Variants in ADGRL2 observed in about 807,000 individuals in gnomAD.
ADGRL2 encodes calcium-independent alpha-latrotoxin receptor 2.
A neutral mutation model predicts 157.4 loss-of-function variants in ADGRL2; 44 were observed. The ratio of observed to expected loss-of-function variants is 0.28; its 90% CI spans 0.22 to 0.36. The LOEUF is 0.36. Among genes scored for constraint, ADGRL2 ranks in the 10% least tolerant of loss-of-function variants. The pLI is 1.00. For missense variants in ADGRL2, 1,510 were observed against 1,768.9 expected, an observed-to-expected ratio of 0.85 and a Z score of 2.63; for synonymous variants, 585 against 624.7, an observed-to-expected ratio of 0.94 and a Z score of 0.95.
chr1:81,594,963 A>G (rs548247426), intron 3 of ADGRL2, among the ~76,000 whole-genome samples: 7 of 152,360 alleles, frequency 4.6e-5, no homozygotes, highest in Non-Finnish European at 8.8e-5. Flanking sequence ...TGTCTATTTG[A>G]TTCAATCACC....
At chr1:81,925,742 T>C (rs2095089722) in intron 3 of ADGRL2, among the ~76,000 whole-genome samples, 1 of 152,042 alleles carries the variant, frequency 6.6e-6, no homozygotes, top group South Asian at 2.1e-4. Flanking sequence ...TCGGCATTTG[T>C]TGCCATGCTG....
chr1:81,990,354 A>G (rs1305873376), intron 23 of ADGRL2, 37 bp from the exon 24 acceptor site: 5 of 1,589,542 alleles, frequency 3.1e-6, no homozygotes, highest in African/African-American at 2.7e-5. Flanking sequence ...GGAAAGGAAC[A>G]GAGACAGTAA....
chr1:81,564,493 C>T (rs567567978), intron 2 of ADGRL2, among the ~76,000 whole-genome samples: 2 of 152,088 alleles, frequency 1.3e-5, no homozygotes, highest in Non-Finnish European at 2.9e-5. Context: ...ATCTATTGGC[C>T]GGAGCCTCCC....
At chr1:81,974,882 G>A (rs1429449129) in intron 17 of ADGRL2, among the ~76,000 whole-genome samples, 1 of 151,802 alleles carries the variant, frequency 6.6e-6, no homozygotes, top group Non-Finnish European at 1.5e-5. Context: ...TATATTGGTG[G>A]GTTATTATAA....
intron 1 of ADGRL2, among the ~76,000 whole-genome samples, chr1:81,803,053 G>C (rs1379429257): frequency 6.6e-6 from 1 of 152,126 alleles, no homozygotes; most frequent in Admixed American, 6.5e-5. Context: ...AGCGGGCCGC[G>C]TTGGGCCTGC....
chr1:81,931,758 A>G (rs1392356530), intron 3 of ADGRL2, among the ~76,000 whole-genome samples: 3 of 151,886 alleles, frequency 2.0e-5, no homozygotes, highest in African/African-American at 4.8e-5. Flanking sequence ...GTCTCCCCCA[A>G]GTAGCTGGAA....
At chr1:81,738,757 T>A (rs1281678565) in intron 1 of ADGRL2, among the ~76,000 whole-genome samples, 2 of 152,248 alleles carry the variant, frequency 1.3e-5, no homozygotes, top group Non-Finnish European at 2.9e-5. Flanking sequence ...TTCTAGCACC[T>A]GTGTTGCTGA....
At chr1:81,356,718 C>T (rs1398198077) in intron 1 of ADGRL2, among the ~76,000 whole-genome samples, 2 of 151,912 alleles carry the variant, frequency 1.3e-5, no homozygotes, top group African/African-American at 2.4e-5. Flanking sequence ...CTTTTGGAGG[C>T]CGAGGTGGGT....
chr1:81,585,049 C>T (rs1405814504), intron 3 of ADGRL2, among the ~76,000 whole-genome samples: 1 of 152,010 alleles, frequency 6.6e-6, no homozygotes, highest in Non-Finnish European at 1.5e-5. Flanking sequence ...GATAAAAATA[C>T]TTACATGTTA....
chr1:81,952,957 C>G, intron 9 of ADGRL2, 30 bp from the exon 10 acceptor site: 1 of 1,576,804 alleles, frequency 6.3e-7, no homozygotes, highest in South Asian at 1.1e-5. Context: ...AAAATCTAAC[C>G]TCTGATTTTT....
chr1:81,517,749 G>A (rs1386472444), intron 2 of ADGRL2, among the ~76,000 whole-genome samples: 1 of 152,222 alleles, frequency 6.6e-6, no homozygotes, highest in Non-Finnish European at 1.5e-5. Flanking sequence ...AAGAAAACCA[G>A]AGTTACATTC....
In ADGRL2 at chr1:81,349,515, G is replaced by A. The variant is rs2100822171; in HGVS notation, c.-302+43006G>A. On this transcript the variant is annotated intron_variant, in intron 1 of 24. Transcript: ENST00000370721. ...GGCAGGAATGTGGGATGGTATTGGT[G>A]CTCTGAATTTAGAACTCTTTAAAGA... Among the ~76,000 whole-genome samples the A allele has an allele frequency of 2.0e-5, 3 of 152,146 alleles. No individual in the cohort carries two copies. The South Asian group carries it at 6.2e-4, about 32-fold the overall frequency.
chr1:81,417,284 T>G (rs2077048995), intron 1 of ADGRL2, among the ~76,000 whole-genome samples: 1 of 152,138 alleles, frequency 6.6e-6, no homozygotes, highest in African/African-American at 2.4e-5. Context: ...ATACTTTAAT[T>G]GCTATTATGT....
intron 2 of ADGRL2, among the ~76,000 whole-genome samples, chr1:81,784,711 G>C (rs1033328193): frequency 1.5e-5 from 2 of 134,686 alleles, no homozygotes; most frequent in African/African-American, 2.8e-5. Flanking sequence ...CTGGGCGACA[G>C]AGTGAGACCC....
At chr1:81,538,963 G>A (rs1362822798) in intron 2 of ADGRL2, among the ~76,000 whole-genome samples, 20 of 140,806 alleles carry the variant, frequency 1.4e-4, no homozygotes, top group African/African-American at 4.2e-4. Context: ...AGGTGAGATC[G>A]CACCATTGGG....
intron 2 of ADGRL2, among the ~76,000 whole-genome samples, chr1:81,574,699 G>A (rs545822726): frequency 7.2e-4 from 109 of 152,210 alleles, no homozygotes; most frequent in Admixed American, 1.4e-3. Context: ...AGATGCAACT[G>A]GACTCATTTC....
In ADGRL2 at chr1:81,901,737, T is replaced by G. The variant is rs78353362; in HGVS notation, c.74-5280T>G. On this transcript the variant is annotated intron_variant, in intron 2 of 23. Coordinates refer to ENST00000686636, the MANE Select transcript of ADGRL2 (RefSeq NM_001366006.2). The stretch of plus-strand genomic sequence containing the variant: ...GTTGGGTTTTAAAAGTTGATACTAA[T>G]TGCAATAATTTTATTAAAGGCTTTT... 3.4e-3 allele frequency among the ~76,000 whole-genome samples: 515 copies of G among 152,298 alleles called. 21 individuals are homozygous for G. In the South Asian group the frequency reaches 0.054, roughly 16 times the overall value.
intron 2 of ADGRL2, among the ~76,000 whole-genome samples, chr1:81,445,845 GGCA>G (rs1358064431): frequency 6.6e-6 from 1 of 152,140 alleles, no homozygotes; most frequent in Non-Finnish European, 1.5e-5. Context: ...CAAGAGTTGT[GGCA>G]TAGCATAAAC....
intron 1 of ADGRL2, among the ~76,000 whole-genome samples, chr1:81,756,703 T>C (rs1466020636): frequency 6.6e-6 from 1 of 152,194 alleles, no homozygotes; most frequent in East Asian, 1.9e-4. Flanking sequence ...TTCCCTCCTA[T>C]AGGTAATTGT....
Sources: gnomAD v4.1 joint callset for allele counts (sites outside exome capture counted in the v4.1 genomes callset) on GRCh38, gnomAD v4.1.1 for gene constraint, MANE v1.5 for transcripts, NCBI Gene and HGNC (gene_info 2026-07-23, HGNC 2026-07-21) for gene names.